Variants in TRIM34 observed in about 807,000 individuals in gnomAD.
TRIM34 encodes E3 ubiquitin-protein ligase TRIM34.
TRIM34 carries 41 observed loss-of-function variants against 38.1 expected under a neutral mutation model. The ratio of observed to expected loss-of-function variants is 1.08; its 90% CI spans 0.84 to 1.40. TRIM34 has a LOEUF of 1.40. Among genes scored for constraint, TRIM34 ranks in the 40% most tolerant of loss-of-function variants. The pLI is 0.00. For missense variants in TRIM34, 556 were observed against 571.4 expected, an observed-to-expected ratio of 0.97 and a Z score of 0.27; for synonymous variants, 200 against 202.5, an observed-to-expected ratio of 0.99 and a Z score of 0.10.
upstream of TRIM34, among the ~76,000 whole-genome samples, chr11:5,623,658 G>C (rs190242930): frequency 3.0e-3 from 458 of 151,932 alleles, 1 homozygote; most frequent in Non-Finnish European, 5.0e-3. Context: ...GGGATTACAG[G>C]TGTGAGCCAC....
rs192707489 is a variant in TRIM34, at chr11:5,643,805, C to A, written c.*96C>A. On this transcript the variant is annotated 3_prime_UTR_variant, in exon 8 of 8. Coordinates refer to ENST00000429814, the MANE Select transcript of TRIM34 (RefSeq NM_021616.6). ...CACACCATTGCTTCCTTGTGGTTTC[C>A]CTTCTTTAGAACTTTTACTCATCCT... The A allele has an allele frequency of 6.8e-7, 1 of 1,472,058 alleles. No individual in the cohort carries two copies. The highest frequency in any genetic ancestry group is 2.3e-5 in the East Asian group (1 of 43,734). The allele number at this position is 1,472,058 out of a possible 1,614,324, so 91.2% of individuals were successfully genotyped here.
chr11:5,626,936 G>A (rs1849269868), intron 1 of TRIM34: 1 of 152,492 alleles, frequency 6.6e-6, no homozygotes, highest in African/African-American at 2.4e-5. Context: ...GGGAAGGCAT[G>A]TGTGATGTGG....
chr11:5,642,620 A>G, intron 6 of TRIM34, 114 bp downstream of exon 6: 1 of 1,421,734 alleles, frequency 7.0e-7, no homozygotes, highest in Non-Finnish European at 9.5e-7. Context: ...GAGGTCAGAG[A>G]ATAAGGAATA....
chr11:5,626,519 T>C (rs1849242710), intron 1 of TRIM34: 1 of 152,222 alleles, frequency 6.6e-6, no homozygotes, highest in Non-Finnish European at 1.5e-5. Context: ...TTTAATGGTT[T>C]TTCCCACGGG....
chr11:5,630,570 T>C (rs762845380), intron 1 of TRIM34, among the ~76,000 whole-genome samples: 11 of 152,362 alleles, frequency 7.2e-5, no homozygotes, highest in Middle Eastern at 3.4e-3. Flanking sequence ...ATGTCCTCCA[T>C]GAACGGGGCA....
At chr11:5,630,454 G>A (rs1055306542) in intron 1 of TRIM34, among the ~76,000 whole-genome samples, 10 of 152,196 alleles carry the variant, frequency 6.6e-5, no homozygotes, top group African/African-American at 2.4e-4. Context: ...ACTTCATTTA[G>A]GAAGTGTCAC....
rs759133184 is a variant in TRIM34, at chr11:5,632,531, A to T, written c.200A>T (p.His67Leu). Reference sequence around the variant, plus strand: ...TGTGGTATCAGTTACTCATTTGAACATCTACAGGCTAATCAGCATCTGGCC... The same window carrying T: ...TGTGGTATCAGTTACTCATTTGAACTTCTACAGGCTAATCAGCATCTGGCC... ...PVCGISYSFE[H>L]LQANQHLANI... The change falls in exon 2 of 8, where the codon CAT becomes CTT. Residue 67 changes from histidine (H) to leucine (L), a missense_variant. Physicochemically the swap from His to Leu is moderately conservative, Grantham distance 99. Transcript: ENST00000429814. 1.2e-6 allele frequency: 2 copies of T among 1,614,000 alleles called. No individual in the cohort carries two copies. The highest frequency in any genetic ancestry group is 1.7e-6 in the Non-Finnish European group (2 of 1,180,014).
At position 5,643,361 on chromosome 11, in the gene TRIM34, T is replaced by C; in HGVS notation, c.1119T>C (p.His373=). 1 of 1,614,114 alleles carries C rather than the reference T, an allele frequency of 6.2e-7. No homozygotes were observed. The change falls in exon 8 of 8, where the codon CAT becomes CAC. Residue 373 remains histidine (H), a synonymous_variant. Coordinates refer to ENST00000429814, the MANE Select transcript of TRIM34 (RefSeq NM_021616.6). Reference sequence around the variant, plus strand: ...TATACTGTAGAACATATTCCCGCCATATGAAGTATGTTGTTAGAAGATGTG... The same window carrying C: ...TATACTGTAGAACATATTCCCGCCACATGAAGTATGTTGTTAGAAGATGTG... ...LGVYCRTYSR[H]MKYVVRRCAN... is the part of the protein sequence containing the mutation.
intron 4 of TRIM34, 86 bp downstream of exon 4, chr11:5,634,947 G>T (rs1849668743): frequency 1.4e-6 from 2 of 1,451,772 alleles, no homozygotes; most frequent in Admixed American, 2.3e-5. Context: ...GACACTAAGG[G>T]GTTTCTTTGG....
intron 4 of TRIM34, among the ~76,000 whole-genome samples, chr11:5,635,423 T>A (rs2097518612): frequency 6.6e-6 from 1 of 151,792 alleles, no homozygotes; most frequent in Admixed American, 6.6e-5. Context: ...TCTGGCTAAT[T>A]TTTTTTGTAT....
chr11:5,621,476 T>C (rs911342762), upstream of TRIM34, among the ~76,000 whole-genome samples: 1 of 152,230 alleles, frequency 6.6e-6, no homozygotes, highest in Non-Finnish European at 1.5e-5. Flanking sequence ...CTTGAATGAC[T>C]AAACTTGCTC....
intron 1 of TRIM34, among the ~76,000 whole-genome samples, chr11:5,629,006 G>A (rs1046857665): frequency 6.6e-6 from 1 of 152,188 alleles, no homozygotes; most frequent in Non-Finnish European, 1.5e-5. Flanking sequence ...GCCGGGTGCA[G>A]TGGCTCACAC....
chr11:5,621,444 C>G (rs149950086), upstream of TRIM34, among the ~76,000 whole-genome samples: 12 of 152,306 alleles, frequency 7.9e-5, no homozygotes, highest in African/African-American at 2.6e-4. Flanking sequence ...TAAGTACATG[C>G]CCATGGAAAT....
intron 4 of TRIM34, among the ~76,000 whole-genome samples, chr11:5,639,707 A>AAAAAAAAAAAAAT (rs1564889435): frequency 7.1e-6 from 1 of 139,912 alleles, no homozygotes; most frequent in African/African-American, 3.0e-5. Context: ...AAAAAAAAAA[A>AAAAAAAAAAAAAT]GATTGGAAGA....
upstream of TRIM34, among the ~76,000 whole-genome samples, chr11:5,624,041 G>A (rs1047927966): frequency 1.3e-5 from 2 of 152,150 alleles, no homozygotes; most frequent in Non-Finnish European, 2.9e-5. Flanking sequence ...GAGGCACAAT[G>A]TGGGGTCATC....
At chr11:5,630,203 A>G (rs1849427615) in intron 1 of TRIM34, among the ~76,000 whole-genome samples, 1 of 152,192 alleles carries the variant, frequency 6.6e-6, no homozygotes, top group Admixed American at 6.5e-5. Flanking sequence ...GTGCTTACCA[A>G]AAAGAATAAA....
chr11:5,623,179 C>T (rs893623060), upstream of TRIM34, among the ~76,000 whole-genome samples: 3 of 147,208 alleles, frequency 2.0e-5, no homozygotes, highest in South Asian at 2.3e-4. Context: ...TTTGCCCTAA[C>T]CAGTTCTCAA....
chr11:5,620,706 C>T (rs1848964998), upstream of TRIM34, among the ~76,000 whole-genome samples: 1 of 152,090 alleles, frequency 6.6e-6, no homozygotes, highest in South Asian at 2.1e-4. Flanking sequence ...GGCAGAAGTA[C>T]TGTCATGGGC....
chr11:5,620,079 GC>G (rs1335434721), upstream of TRIM34: 7 of 151,372 alleles, frequency 4.6e-5, no homozygotes, highest in African/African-American at 1.5e-4. Flanking sequence ...TTTTGGGGTG[GC>G]AGTTTTTTTC....
Sources: allele counts gnomAD v4.1 joint callset (sites outside exome capture counted in the v4.1 genomes callset), GRCh38; gene constraint gnomAD v4.1.1; transcripts MANE v1.5; gene names NCBI Gene and HGNC (gene_info 2026-07-23, HGNC 2026-07-21).